The following DCLRE1B variants were observed in gnomAD, a reference collection of about 807,000 sequenced individuals.
DCLRE1B encodes 5' exonuclease Apollo.
Under a neutral mutation model 19.8 loss-of-function variants are expected in DCLRE1B, and 6 were observed. The observed-to-expected ratio is 0.30, with a 90% CI of 0.17 to 0.60. The LOEUF (loss-of-function observed/expected upper bound fraction) is 0.60. DCLRE1B is among the 20% of genes least tolerant of loss of function. DCLRE1B has a pLI of 0.87. For synonymous variants in DCLRE1B, 258 were observed against 255.7 expected (o/e 1.01, Z -0.09); for missense variants, 622 against 654.2 (o/e 0.95, Z 0.54).
rs145730345 is a variant in DCLRE1B at position 113,911,490 on chromosome 1, C to T, written c.898C>T (p.Arg300Trp). Residue 300 changes from arginine (R) to tryptophan (W), a missense_variant, in exon 4 of 4, where the codon CGG (arginine) becomes TGG (tryptophan). Physicochemically the swap from Arg to Trp is moderately radical, Grantham distance 101 (BLOSUM62 -3). Coordinates refer to ENST00000650450, the MANE Select transcript of DCLRE1B (RefSeq NM_022836.4). ...TTGCCAGGTGGTGCCCATTGTAAGT[C>T]GGCGGCCCTGTGGAGGCTTTCAGGA... ...KPCQVVPIVS[R>W]RPCGGFQDSL... The T allele has an allele frequency of 2.7e-5, 43 of 1,614,028 alleles. No individual in the cohort carries two copies. The highest frequency in any genetic ancestry group is 3.4e-5 in the Non-Finnish European group (40 of 1,180,042).
intron 1 of DCLRE1B, 59 bp downstream of exon 1, chr1:113,905,834 C>G: frequency 6.5e-7 from 1 of 1,534,484 alleles, no homozygotes; most frequent in Non-Finnish European, 8.8e-7. Flanking sequence ...GGGACTTCAA[C>G]CTGTCATTCT....
intron 3 of DCLRE1B, among the ~76,000 whole-genome samples, chr1:113,909,945 T>G (rs1342018569): frequency 1.3e-5 from 2 of 152,216 alleles, no homozygotes; most frequent in East Asian, 3.8e-4. Flanking sequence ...TAATATATAC[T>G]TCTTTTTATG....
chr1:113,910,613 C>T (rs548165612), intron 3 of DCLRE1B, among the ~76,000 whole-genome samples: 25 of 152,164 alleles, frequency 1.6e-4, no homozygotes, highest in Non-Finnish European at 3.2e-4. Flanking sequence ...GTGATCCTCC[C>T]GCGTCAGCTT....
At chr1:113,908,394 G>T (rs1330544611) in intron 3 of DCLRE1B, among the ~76,000 whole-genome samples, 1 of 152,190 alleles carries the variant, frequency 6.6e-6, no homozygotes, top group African/African-American at 2.4e-5. Flanking sequence ...GGTCATTTGA[G>T]CCCAGGCGTT....
At chr1:113,907,755 T>C (rs541304935) in intron 2 of DCLRE1B, among the ~76,000 whole-genome samples, 1 of 152,262 alleles carries the variant, frequency 6.6e-6, no homozygotes, top group South Asian at 2.1e-4. Flanking sequence ...ATTACAGGTG[T>C]GAGCCACTGC....
In DCLRE1B at chr1:113,912,381, T is replaced by G. The variant is rs377165957; in HGVS notation, c.*190T>G. ...GGTCCTCGTGCCTATGGAATCCTTC[T>G]TTTTATAACTAAGTTTAAGAAATAC... On this transcript the variant is annotated 3_prime_UTR_variant, in exon 4 of 4. Coordinates refer to ENST00000650450, the MANE Select transcript of DCLRE1B (RefSeq NM_022836.4). 7.9e-6 allele frequency: 4 copies of G among 505,490 alleles called. No homozygotes were observed. The highest frequency in any genetic ancestry group is 3.1e-5 in the East Asian group (1 of 32,470). The allele number at this position is 505,490 out of a possible 1,614,324, so 31.3% of individuals were successfully genotyped here.
rs990429689 is a variant in DCLRE1B, at chr1:113,911,765, C to T, written c.1173C>T (p.His391=). 1.4e-5 allele frequency: 23 copies of T among 1,614,160 alleles called. No homozygotes were observed. Among genetic ancestry groups the T allele is most frequent in the Admixed American group, 1.0e-4 (6 of 60,024 alleles). Residue 391 remains histidine, a synonymous_variant, in exon 4 of 4, where the codon CAC becomes CAT. Transcript: ENST00000650450. ...CGGACCTTGAAAAGCAGCCTTCCCA[C>T]CATCCTTTGCGGATCAAGAAGCAGT... The part of the protein sequence containing the change: ...WPADLEKQPS[H]HPLRIKKQLF...
intron 3 of DCLRE1B, among the ~76,000 whole-genome samples, chr1:113,908,868 T>C (rs1340616438): frequency 6.6e-6 from 1 of 152,074 alleles, no homozygotes; most frequent in African/African-American, 2.4e-5. Context: ...AGAGACTTTG[T>C]GTGTTTGTGG....
Position 113,912,111 on chromosome 1 carries a change from A to C in DCLRE1B, c.1519A>C (p.Thr507Pro). Residue 507 changes from threonine (T) to proline (P), a missense_variant, in exon 4 of 4, where the codon ACT becomes CCT. By Grantham distance (38) the Thr-to-Pro change is conservative. Around this residue, in one of 3 missense-constraint regions of DCLRE1B, gnomAD observed 382 missense variants for 412.5 expected, o/e 0.93. Transcript: ENST00000650450. Reference sequence around the variant, plus strand: ...GGGTCTAGCACTCAAATATCTTCTGACTCCAGTGAACTTTTTCCAGGCAGG... The same window carrying C: ...GGGTCTAGCACTCAAATATCTTCTGCCTCCAGTGAACTTTTTCCAGGCAGG... ...FRGLALKYLL[T>P]PVNFFQAGYS... 1 of 1,614,048 alleles carries C rather than the reference A, an allele frequency of 6.2e-7. No homozygotes were observed. The highest frequency in any genetic ancestry group is 8.5e-7 in the Non-Finnish European group (1 of 1,180,012).
At chr1:113,909,590 C>T (rs1182173200) in intron 3 of DCLRE1B, among the ~76,000 whole-genome samples, 2 of 152,170 alleles carry the variant, frequency 1.3e-5, no homozygotes, top group Non-Finnish European at 2.9e-5. Context: ...ATATCCTCTA[C>T]TCTCAGGATT....
At position 113,912,096 on chromosome 1, in the gene DCLRE1B, C is replaced by T. The variant is rs754653573; in HGVS notation, c.1504C>T (p.Leu502Phe). Residue 502 changes from leucine to phenylalanine, a missense_variant, in exon 4 of 4, where the codon CTC becomes TTC. Around this residue, in one of 3 missense-constraint regions of DCLRE1B, gnomAD observed 382 missense variants for 412.5 expected, o/e 0.93. Transcript: ENST00000650450. ...AGCTACTGAATTCAGGGGTCTAGCA[C>T]TCAAATATCTTCTGACTCCAGTGAA... The part of the protein sequence containing the change: ...LLATEFRGLA[L>F]KYLLTPVNFF... The T allele has an allele frequency of 6.2e-6, 10 of 1,614,104 alleles. No individual in the cohort carries two copies. The Admixed American group carries it at 1.7e-4, about 27-fold the overall frequency.
chr1:113,913,418 G>C lies in DCLRE1B; in HGVS notation c.*1227G>C, dbSNP rs1028370910. On this transcript the variant is annotated 3_prime_UTR_variant, in exon 4 of 4. Coordinates refer to ENST00000650450, the MANE Select transcript of DCLRE1B (RefSeq NM_022836.4). ...GAGAGTTTAGAAAGCAATTGCTCTTGGGAAAGCTATACACAGCTCTGTTTT... is the reference window on the plus strand; with the variant it reads ...GAGAGTTTAGAAAGCAATTGCTCTTCGGAAAGCTATACACAGCTCTGTTTT... 1 of 152,770 alleles carries C rather than the reference G, an allele frequency of 6.5e-6. No individual in the cohort carries two copies. Among genetic ancestry groups the C allele is most frequent in the African/African-American group, 2.4e-5 (1 of 41,446 alleles). 9.5% of individuals were successfully genotyped at this position (152,770 alleles called of 1,614,324 possible).
rs200392246 is a variant in DCLRE1B, at chr1:113,911,596, G to A, written c.1004G>A (p.Ser335Asn). The change falls in exon 4 of 4, where the codon AGC (serine) becomes AAC (asparagine). Residue 335 changes from serine to asparagine, a missense_variant. This residue lies in a region of DCLRE1B where 382 missense variants were observed against 412.5 expected (regional missense o/e 0.93). Transcript: ENST00000650450. Reference protein sequence around the residue: ...QYMSSSSRKPSLLWLLERRLK... With the variant: ...QYMSSSSRKPNLLWLLERRLK... Reference sequence around the variant, plus strand: ...ATGAGTTCTTCCTCTAGAAAACCAAGCCTTCTCTGGCTGTTAGAAAGGAGG... The same window carrying A: ...ATGAGTTCTTCCTCTAGAAAACCAAACCTTCTCTGGCTGTTAGAAAGGAGG... The A allele has an allele frequency of 2.0e-4, 319 of 1,596,222 alleles. No homozygotes were observed. Among genetic ancestry groups the A allele is most frequent in the Non-Finnish European group, 2.6e-4 (300 of 1,171,430 alleles).
chr1:113,908,296 C>A, intron 3 of DCLRE1B, 105 bp downstream of exon 3: 1 of 1,424,126 alleles, frequency 7.0e-7, no homozygotes, highest in Non-Finnish European at 9.5e-7. Flanking sequence ...CTTTCTCCTA[C>A]ACTGACCACC....
In DCLRE1B at chr1:113,906,847, C is replaced by G. The variant is rs1669026470; in HGVS notation, c.190-149C>G. 3 of 788,570 alleles carry G rather than the reference C, an allele frequency of 3.8e-6. No individual in the cohort carries two copies. In the East Asian group the frequency reaches 7.8e-5, roughly 21 times the overall value. The allele number at this position is 788,570 out of a possible 1,614,324, so 48.8% of individuals were successfully genotyped here. A position where few individuals can be genotyped will look rare whatever the true frequency, so the allele number is the denominator to read the frequency against. On this transcript the variant is annotated intron_variant, in intron 1 of 3. Transcript: ENST00000650450. ...GGATGGGAAGTGGAAGGAGGAAGGGCAGATTGCTTGGGAATCCCCATTACA... is the reference window on the plus strand; with the variant it reads ...GGATGGGAAGTGGAAGGAGGAAGGGGAGATTGCTTGGGAATCCCCATTACA...
At position 113,911,189 on chromosome 1, in the gene DCLRE1B, C is replaced by G. The variant is rs1240690963; in HGVS notation, c.597C>G (p.Thr199=). The change falls in exon 4 of 4, where the codon ACC becomes ACG. Residue 199 remains threonine (T), a synonymous_variant. Coordinates refer to ENST00000650450, the MANE Select transcript of DCLRE1B (RefSeq NM_022836.4). ...AGCAGCTGGCCCTGGAGTTTCAGAC[C>G]TGGGTGGTATTGAGTCCTCGGCGCC... The part of the protein sequence containing the change: ...LLEQLALEFQ[T]WVVLSPRRLE... The G allele has an allele frequency of 6.2e-7, 1 of 1,614,046 alleles. No homozygotes were observed. Among genetic ancestry groups the G allele is most frequent in the Non-Finnish European group, 8.5e-7 (1 of 1,180,044 alleles).
At position 113,907,160 on chromosome 1, in the gene DCLRE1B, A is replaced by AGGT. The variant is rs530697487; in HGVS notation, c.355+2_355+4dup. The stretch of plus-strand genomic sequence containing the variant: ...GATATTTTGGAACCATCCTCTACAC[A>AGGT]GGTGGGCCTCTCAAGGAATCCCAGT... On this transcript the variant is annotated inframe_insertion and splice_region_variant, in exon 2 of 4. Coordinates refer to ENST00000650450, the MANE Select transcript of DCLRE1B (RefSeq NM_022836.4). The AGGT allele has an allele frequency of 5.2e-6, 8 of 1,525,330 alleles. No individual in the cohort carries two copies. The highest frequency in any genetic ancestry group is 7.1e-6 in the Non-Finnish European group (8 of 1,126,990). 94.5% of individuals were successfully genotyped at this position (1,525,330 alleles called of 1,614,324 possible). A position where few individuals can be genotyped will look rare whatever the true frequency, so the allele number is the denominator to read the frequency against.
rs1669108395 is a variant in DCLRE1B at position 113,908,099 on chromosome 1, G to T, written c.446G>T (p.Cys149Phe). 3.1e-6 allele frequency: 5 copies of T among 1,614,168 alleles called. No individual in the cohort carries two copies. The East Asian group carries it at 8.9e-5, about 29-fold the overall frequency. The change falls in exon 3 of 4, where the codon TGC becomes TTC. Residue 149 changes from cysteine (C) to phenylalanine (F), a missense_variant. Cys to Phe is a radical substitution (Grantham distance 205). Transcript: ENST00000650450. Reference protein sequence around the residue: ...IHTLYLDNTNCNPALVLPSRQ... With the variant: ...IHTLYLDNTNFNPALVLPSRQ... ...ACTTTATACCTAGACAACACCAATT[G>T]CAATCCAGCCCTGGTTCTTCCTTCC...
chr1:113,911,289 G>C lies in DCLRE1B; in HGVS notation c.697G>C (p.Asp233His). ...GAAGGCTGGCCGCATCCATGCAGTAGACCATATGGAGATCTGCCATTCCAA... is the reference window on the plus strand; with the variant it reads ...GAAGGCTGGCCGCATCCATGCAGTACACCATATGGAGATCTGCCATTCCAA... The part of the protein sequence containing the change: ...EEKAGRIHAV[D>H]HMEICHSNML... The change falls in exon 4 of 4, where the codon GAC becomes CAC. Residue 233 changes from aspartate (D) to histidine (H), a missense_variant. Physicochemically the swap from Asp to His is moderately conservative, Grantham distance 81 (BLOSUM62 -1). Coordinates refer to ENST00000650450, the MANE Select transcript of DCLRE1B (RefSeq NM_022836.4). 6.2e-7 allele frequency: 1 copy of C among 1,614,132 alleles called. No individual in the cohort carries two copies. The highest frequency in any genetic ancestry group is 8.5e-7 in the Non-Finnish European group (1 of 1,180,032).
Sources: allele counts gnomAD v4.1 joint callset (sites outside exome capture counted in the v4.1 genomes callset), GRCh38; gene constraint gnomAD v4.1.1; regional missense constraint gnomAD v4.1.1; transcripts MANE v1.5; gene names NCBI Gene and HGNC (gene_info 2026-07-23, HGNC 2026-07-21).